The following ACSS1 variants were observed in gnomAD, a reference collection of about 807,000 sequenced individuals.
ACSS1 encodes acyl-CoA synthetase short chain family member 1.
ACSS1 carries 42 observed loss-of-function variants against 75.3 expected under a neutral mutation model. The observed-to-expected ratio is 0.56, with a 90% confidence interval of 0.44 to 0.72. The LOEUF is 0.72. Among genes scored for constraint, ACSS1 ranks in the 30% least tolerant of loss-of-function variants. The pLI is 0.00. For missense variants in ACSS1, 782 were observed against 935.7 expected, an observed-to-expected ratio of 0.84 and a Z score of 2.14; for synonymous variants, 380 against 376.8, an observed-to-expected ratio of 1.01 and a Z score of -0.10.
chr20:25,021,883 A>C (rs1015278), intron 5 of ACSS1, among the ~76,000 whole-genome samples: 1 of 152,188 alleles, frequency 6.6e-6, no homozygotes, highest in Non-Finnish European at 1.5e-5. Context: ...TTCCACAGCA[A>C]CTGAGTGGAG....
At chr20:25,043,599 C>T (rs2122734065) in intron 2 of ACSS1, among the ~76,000 whole-genome samples, 1 of 152,338 alleles carries the variant, frequency 6.6e-6, no homozygotes, top group Middle Eastern at 3.4e-3. Flanking sequence ...GCCTGACATC[C>T]CCTCTGCTTC....
Position 25,015,145 on chromosome 20 carries a change from C to T in ACSS1, c.1332G>A (p.Trp444Ter). Residue 444 changes from tryptophan to a stop codon, truncating the protein, a stop_gained, in exon 8 of 14, where the codon TGG (tryptophan) becomes TGA (stop). Transcript: ENST00000323482. LOFTEE classifies it high-confidence loss of function. ...TTCCCCAGGCCTCCTCACCTGTCTG[C>T]CACCAGGTGTCCACCAGCGTGCACC... The part of the protein sequence containing the change: ...DSRCTLVDTW[W>*]QTETGGICIA... The T allele has an allele frequency of 1.9e-6, 3 of 1,610,842 alleles. No individual in the cohort carries two copies. Among genetic ancestry groups the T allele is most frequent in the South Asian group, 1.1e-5 (1 of 90,908 alleles).
chr20:25,012,233 G>C (rs1273608184), intron 12 of ACSS1: 1 of 318,504 alleles, frequency 3.1e-6, no homozygotes, highest in Non-Finnish European at 6.1e-6. Flanking sequence ...GACCAAGCCC[G>C]TGAGGATACA....
At position 25,009,314 on chromosome 20, in the gene ACSS1, C is replaced by T; in HGVS notation, c.1846G>A (p.Val616Met). ...GCATATTTGGCGATCTTGGTGGCCA[C>T]CATGGACTTGAGCTCCTGCACCACC... is the stretch of plus-strand genomic sequence containing the variant. ...DVVVQELKSM[V>M]ATKIAKYAVP... The change falls in exon 13 of 14, where the codon GTG (valine) becomes ATG (methionine). Residue 616 changes from valine (V) to methionine (M), a missense_variant. By Grantham distance (21) the Val-to-Met change is conservative (BLOSUM62 1). Transcript: ENST00000323482. The T allele has an allele frequency of 6.2e-7, 1 of 1,614,202 alleles. No individual in the cohort carries two copies. The highest frequency in any genetic ancestry group is 8.5e-7 in the Non-Finnish European group (1 of 1,180,028).
chr20:25,046,698 G>A (rs749405028), intron 2 of ACSS1: 22 of 701,702 alleles, frequency 3.1e-5, no homozygotes, highest in Non-Finnish European at 4.7e-5. Flanking sequence ...GCAGGCAGAT[G>A]GAGCTGGGCC....
At chr20:25,044,734 G>C (rs6050273) in intron 2 of ACSS1, among the ~76,000 whole-genome samples, 1 of 152,260 alleles carries the variant, frequency 6.6e-6, no homozygotes, top group African/African-American at 2.4e-5. Context: ...GGGGCCACTA[G>C]GCCTACAGCC....
At chr20:25,024,390 G>A (rs1308040745) in intron 3 of ACSS1, among the ~76,000 whole-genome samples, 6 of 152,208 alleles carry the variant, frequency 3.9e-5, no homozygotes, top group African/African-American at 7.2e-5. Context: ...GCCCCAGTGC[G>A]GGATGACCCA....
intron 7 of ACSS1, among the ~76,000 whole-genome samples, chr20:25,015,714 A>G (rs2088505283): frequency 6.6e-6 from 1 of 152,254 alleles, no homozygotes; most frequent in Non-Finnish European, 1.5e-5. Flanking sequence ...AGAAATGCAC[A>G]TGACCATGAT....
chr20:25,023,424 G>A (rs2088660387), intron 4 of ACSS1, 42 bp downstream of exon 4: 11 of 1,611,486 alleles, frequency 6.8e-6, no homozygotes, highest in Non-Finnish European at 9.3e-6. Context: ...CAGCTAACTT[G>A]ATATGACCTC....
At chr20:25,016,747 G>A (rs570948199) in intron 7 of ACSS1, among the ~76,000 whole-genome samples, 3 of 152,390 alleles carry the variant, frequency 2.0e-5, no homozygotes, top group East Asian at 3.8e-4. Flanking sequence ...CCACGGGGCT[G>A]TGACCACACA....
Position 25,021,622 on chromosome 20 carries a change from G to A in ACSS1, c.961-86C>T, listed in dbSNP as rs116096009. ...GGTCACTAGGAAATAGGCATGCATA[G>A]GCTGCAGTCCATAGCTGTGAGAGGC... On this transcript the variant is annotated intron_variant, in intron 5 of 13. Coordinates refer to ENST00000323482, the MANE Select transcript of ACSS1 (RefSeq NM_032501.4). 727 of 1,536,268 alleles carry A rather than the reference G, an allele frequency of 4.7e-4. 2 individuals are homozygous for A. The African/African-American group carries it at 9.2e-3, about 20-fold the overall frequency.
At position 25,022,992 on chromosome 20, in the gene ACSS1, C is replaced by T; in HGVS notation, c.908G>A (p.Gly303Asp). Residue 303 changes from glycine to aspartate, a missense_variant, in exon 5 of 14, where the codon GGC (glycine) becomes GAC (aspartate). Coordinates refer to ENST00000323482, the MANE Select transcript of ACSS1 (RefSeq NM_032501.4). ...GTAGCCTGCCTGGGTATGGACGATGCCCTTGGGCATTCCGGTGCTCCCTGA... is the reference window on the plus strand; with the variant it reads ...GTAGCCTGCCTGGGTATGGACGATGTCCTTGGGCATTCCGGTGCTCCCTGA... The part of the protein sequence containing the change: ...YTSGSTGMPK[G>D]IVHTQAGYLL... 1 of 1,614,082 alleles carries T rather than the reference C, an allele frequency of 6.2e-7. No homozygotes were observed. Among genetic ancestry groups the T allele is most frequent in the Non-Finnish European group, 8.5e-7 (1 of 1,180,022 alleles).
In ACSS1 at chr20:25,007,533, C is replaced by A; in HGVS notation, c.*229G>T. 7.4e-7 allele frequency: 1 copy of A among 1,343,768 alleles called. No individual in the cohort carries two copies. Among genetic ancestry groups the A allele is most frequent in the Non-Finnish European group, 9.5e-7 (1 of 1,048,924 alleles). 83.2% of individuals were successfully genotyped at this position (1,343,768 alleles called of 1,614,324 possible). A position where few individuals can be genotyped will look rare whatever the true frequency, so the allele number is the denominator to read the frequency against. On this transcript the variant is annotated 3_prime_UTR_variant, in exon 14 of 14. Transcript: ENST00000323482. The stretch of plus-strand genomic sequence containing the variant: ...AGGAAACCAAACTCAGATGGCAGAA[C>A]CAGCCCTAGCCATGTCGCATAGCCT...
Position 25,048,172 on chromosome 20 carries a change from A to C in ACSS1, c.344T>G (p.Leu115Trp). ...GGGGGACTTCCGAACATGCTGGTCC[A>C]AGCAGTTGACTGTACAAAAAGAGGG... is the stretch of plus-strand genomic sequence containing the variant. Reference protein sequence around the residue: ...GGQLNVSVNCLDQHVRKSPES... With the variant: ...GGQLNVSVNCWDQHVRKSPES... Residue 115 changes from leucine (L) to tryptophan (W), a missense_variant, in exon 2 of 14, where the codon TTG becomes TGG. Around this residue, in one of 2 missense-constraint regions of ACSS1, gnomAD observed 377 missense variants for 383.1 expected, o/e 0.98. Coordinates refer to ENST00000323482, the MANE Select transcript of ACSS1 (RefSeq NM_032501.4). 2 of 1,613,160 alleles carry C rather than the reference A, an allele frequency of 1.2e-6. No homozygotes were observed. Among genetic ancestry groups the C allele is most frequent in the Non-Finnish European group, 1.7e-6 (2 of 1,179,960 alleles).
intron 12 of ACSS1, chr20:25,011,678 A>T (rs1471112399): frequency 6.6e-6 from 1 of 152,238 alleles, no homozygotes; most frequent in Non-Finnish European, 1.5e-5. Flanking sequence ...TAGCCTTTCC[A>T]TGGCAACTGA....
intron 2 of ACSS1, among the ~76,000 whole-genome samples, chr20:25,045,320 T>A (rs2089068485): frequency 6.6e-6 from 1 of 152,146 alleles, no homozygotes; most frequent in South Asian, 2.1e-4. Context: ...CCAGAGGACC[T>A]GGGGAAGCAG....
chr20:25,042,930 G>GGA (rs1228603209), intron 2 of ACSS1, among the ~76,000 whole-genome samples: 1 of 152,200 alleles, frequency 6.6e-6, no homozygotes, highest in Non-Finnish European at 1.5e-5. Context: ...GCCCAGTGGA[G>GGA]GAGAAGTGTG....
intron 1 of ACSS1, among the ~76,000 whole-genome samples, chr20:25,050,940 G>A (rs2089166721): frequency 6.6e-6 from 1 of 152,084 alleles, no homozygotes. Context: ...GCTGACAGGT[G>A]GCCTGGGTCC....
At chr20:25,038,364 C>G (rs955871510) in intron 2 of ACSS1, among the ~76,000 whole-genome samples, 1 of 152,138 alleles carries the variant, frequency 6.6e-6, no homozygotes, top group African/African-American at 2.4e-5. Context: ...GTGAAATGGC[C>G]TAATAATAGG....
Sources: gnomAD v4.1 joint callset for allele counts (sites outside exome capture counted in the v4.1 genomes callset) on GRCh38, gnomAD v4.1.1 for gene constraint, gnomAD v4.1.1 regional missense constraint, MANE v1.5 for transcripts, NCBI Gene and HGNC (gene_info 2026-07-23, HGNC 2026-07-21) for gene names.